ADAM15: variants seen among roughly 807,000 people sequenced by gnomAD.
The protein encoded by ADAM15 is ADAM metallopeptidase domain 15.
ADAM15 carries 77 observed loss-of-function variants against 113.8 expected under a neutral mutation model. That is an observed-to-expected ratio of 0.68 (90% confidence interval 0.56 to 0.82). The LOEUF (loss-of-function observed/expected upper bound fraction) is 0.82, where lower values mean the gene tolerates loss of function less well. ADAM15 is among the 40% of genes least tolerant of loss of function. ADAM15 has a pLI of 0.00. For synonymous variants in ADAM15, 388 were observed against 454.1 expected (o/e 0.85, Z 1.85); for missense variants, 963 against 1,120.1 (o/e 0.86, Z 2.00).
chr1:155,058,695 C>G lies in ADAM15; in HGVS notation c.1918-15C>G. On this transcript the variant is annotated splice_polypyrimidine_tract_variant and intron_variant, in intron 15 of 22. Transcript: ENST00000356955. This position sits in a 1 kb window ranked among gnomAD's most constrained non-coding sequence, Gnocchi z 4.3. Reference sequence around the variant, plus strand: ...TTGTGGGAATCTGATCCAGGCTCTTCTCTCCCTGGGTCAGGTGTGTATAGA... The same window carrying G: ...TTGTGGGAATCTGATCCAGGCTCTTGTCTCCCTGGGTCAGGTGTGTATAGA... 2 of 1,612,016 alleles carry G rather than the reference C, an allele frequency of 1.2e-6. No homozygotes were observed. Among genetic ancestry groups the G allele is most frequent in the Non-Finnish European group, 1.7e-6 (2 of 1,178,996 alleles).
At position 155,058,314 on chromosome 1, in the gene ADAM15, A is replaced by T; in HGVS notation, c.1790A>T (p.Asp597Val). The change falls in exon 15 of 23, where the codon GAT becomes GTT. Residue 597 changes from aspartate (D) to valine (V), a missense_variant. By Grantham distance (152) the Asp-to-Val change is radical. Transcript: ENST00000356955. The surrounding 1 kb of genome is among the most constrained non-coding windows in gnomAD (Gnocchi z 4.3). ...CAGCCTCTGCTGGGCTCCATCCGGGATCTACTCTGGGAGACAATAGATGTG... is the reference window on the plus strand; with the variant it reads ...CAGCCTCTGCTGGGCTCCATCCGGGTTCTACTCTGGGAGACAATAGATGTG... The part of the protein sequence containing the change: ...RTQPLLGSIR[D>V]LLWETIDVNG... The T allele has an allele frequency of 1.2e-6, 2 of 1,614,030 alleles. No homozygotes were observed. Among genetic ancestry groups the T allele is most frequent in the South Asian group, 1.1e-5 (1 of 91,080 alleles).
chr1:155,052,390 A>G, intron 1 of ADAM15: 7 of 1,068,502 alleles, frequency 6.6e-6, no homozygotes, highest in Non-Finnish European at 8.0e-6. Context: ...TCCTGTGAGA[A>G]CCTGGGATTG....
intron 18 of ADAM15, among the ~76,000 whole-genome samples, 193 bp downstream of exon 18, chr1:155,060,536 G>T (rs1662426943): frequency 6.6e-6 from 1 of 152,120 alleles, no homozygotes; most frequent in African/African-American, 2.4e-5. Flanking sequence ...GTGCCCCTGT[G>T]GGGTGGCTGG....
At chr1:155,061,878 C>A in intron 20 of ADAM15, 26 bp from the exon 21 acceptor site, 1 of 1,503,816 alleles carries the variant, frequency 6.6e-7, no homozygotes, top group Non-Finnish European at 8.9e-7. Context: ...TATGCTCTCA[C>A]AGCCACTGCC....
In ADAM15 at chr1:155,055,942, A is replaced by C. The variant is rs373813408; in HGVS notation, c.686A>C (p.Tyr229Ser). ...TCTCTTGGCCTACAGGCCCAGAAAT[A>C]CCGGGACTTCCAGCACCTGCTAAAC... ...IVADHSEAQK[Y>S]RDFQHLLNRT... Residue 229 changes from tyrosine to serine, a missense_variant, in exon 8 of 23, where the codon TAC becomes TCC. Coordinates refer to ENST00000356955, the MANE Select transcript of ADAM15 (RefSeq NM_207197.3). 1.1e-5 allele frequency: 17 copies of C among 1,613,972 alleles called. No individual in the cohort carries two copies. In the African/African-American group the frequency reaches 2.1e-4, roughly 20 times the overall value.
intron 6 of ADAM15, among the ~76,000 whole-genome samples, chr1:155,055,204 T>C (rs1410829492): frequency 1.4e-5 from 2 of 147,610 alleles, no homozygotes; most frequent in African/African-American, 2.5e-5. Flanking sequence ...AGAGTTGTTA[T>C]TGGGATTTTT....
rs1662504009 is a variant in ADAM15 at position 155,061,015 on chromosome 1, C to T, written c.2277+183C>T. The T allele has an allele frequency of 1.3e-5, 8 of 637,982 alleles. No individual in the cohort carries two copies. The South Asian group carries it at 1.6e-4, about 13-fold the overall frequency. The allele number at this position is 637,982 out of a possible 1,614,324, so 39.5% of individuals were successfully genotyped here. A position where few individuals can be genotyped will look rare whatever the true frequency, so the allele number is the denominator to read the frequency against. Reference sequence around the variant, plus strand: ...TGGCTACAGGCAGGGAAGCTGAGTCCAGAAGAGTGGGGAGGGCAGCCAGCT... The same window carrying T: ...TGGCTACAGGCAGGGAAGCTGAGTCTAGAAGAGTGGGGAGGGCAGCCAGCT... On this transcript the variant is annotated intron_variant, in intron 19 of 22. Coordinates refer to ENST00000356955, the MANE Select transcript of ADAM15 (RefSeq NM_207197.3).
rs761505797 is a variant in ADAM15, at chr1:155,056,247, G to A, written c.912G>A (p.Val304=). The A allele has an allele frequency of 3.7e-6, 6 of 1,613,914 alleles. No homozygotes were observed. In the South Asian group the frequency reaches 5.5e-5, roughly 15 times the overall value. ...TGCCCCATGACAGTGCCCAGCTGGT[G>A]ACGTAAGGGCCCCAGACTCAGCCAG... The part of the protein sequence containing the change: ...PRLPHDSAQL[V]TGTSFSGPTV... Residue 304 remains valine (V), a splice_region_variant and synonymous_variant, in exon 9 of 23, where the codon GTG becomes GTA. Coordinates refer to ENST00000356955, the MANE Select transcript of ADAM15 (RefSeq NM_207197.3). The surrounding 1 kb of genome is among the most constrained non-coding windows in gnomAD (Gnocchi z 4.0).
In ADAM15 at chr1:155,052,757, A is replaced by C; in HGVS notation, c.166A>C (p.Ser56Arg). 6.2e-7 allele frequency: 1 copy of C among 1,612,176 alleles called. No homozygotes were observed. Among genetic ancestry groups the C allele is most frequent in the Non-Finnish European group, 8.5e-7 (1 of 1,179,364 alleles). ...PQVLQDDLPISLKKVLQTSLP... is the reference protein window; with the variant it reads ...PQVLQDDLPIRLKKVLQTSLP... ...GGTCCTTCAGGACGATCTCCCAATTAGCCTCAAAAAGGTGCTTCAGGTGAG... is the reference window on the plus strand; with the variant it reads ...GGTCCTTCAGGACGATCTCCCAATTCGCCTCAAAAAGGTGCTTCAGGTGAG... Residue 56 changes from serine to arginine, a missense_variant, in exon 2 of 23, where the codon AGC (serine) becomes CGC (arginine). Transcript: ENST00000356955.
Position 155,061,060 on chromosome 1 carries a change from T to C in ADAM15, c.2277+228T>C. 1.2e-5 allele frequency: 7 copies of C among 587,872 alleles called. No individual in the cohort carries two copies. The South Asian group carries it at 1.5e-4, about 12-fold the overall frequency. The allele number at this position is 587,872 out of a possible 1,614,324, so 36.4% of individuals were successfully genotyped here. ...CCAGCTGGAGCAGGAGCTGCTGGGCTCCGTCCGCTGGCCAAGAGGTGGCTT... is the reference window on the plus strand; with the variant it reads ...CCAGCTGGAGCAGGAGCTGCTGGGCCCCGTCCGCTGGCCAAGAGGTGGCTT... On this transcript the variant is annotated intron_variant, in intron 19 of 22. Transcript: ENST00000356955.
chr1:155,058,699 C>A lies in ADAM15; in HGVS notation c.1918-11C>A, dbSNP rs376498514. On this transcript the variant is annotated splice_polypyrimidine_tract_variant and intron_variant, in intron 15 of 22. Coordinates refer to ENST00000356955, the MANE Select transcript of ADAM15 (RefSeq NM_207197.3). The surrounding 1 kb of genome is among the most constrained non-coding windows in gnomAD (Gnocchi z 4.3). ...GGGAATCTGATCCAGGCTCTTCTCTCCCTGGGTCAGGTGTGTATAGACCAT... is the reference window on the plus strand; with the variant it reads ...GGGAATCTGATCCAGGCTCTTCTCTACCTGGGTCAGGTGTGTATAGACCAT... 659 of 1,612,332 alleles carry A rather than the reference C, an allele frequency of 4.1e-4. No homozygotes were observed. Among genetic ancestry groups the A allele is most frequent in the Non-Finnish European group, 5.3e-4 (630 of 1,179,262 alleles).
intron 18 of ADAM15, among the ~76,000 whole-genome samples, 198 bp from the exon 19 acceptor site, chr1:155,060,565 C>T (rs950925489): frequency 6.6e-6 from 1 of 152,160 alleles, no homozygotes; most frequent in Non-Finnish European, 1.5e-5. Flanking sequence ...GGCCATTTCT[C>T]CCCAGGAGCC....
intron 16 of ADAM15, among the ~76,000 whole-genome samples, chr1:155,059,346 G>C (rs1662236717): frequency 6.6e-6 from 1 of 152,100 alleles, no homozygotes. Context: ...GGATTATAGG[G>C]GTGAGCCACT....
rs942225943 is a variant in ADAM15 at position 155,058,861 on chromosome 1, T to C, written c.1995+74T>C. On this transcript the variant is annotated intron_variant, in intron 16 of 22. Transcript: ENST00000356955. This position sits in a 1 kb window ranked among gnomAD's most constrained non-coding sequence, Gnocchi z 4.3. The stretch of plus-strand genomic sequence containing the variant: ...GGAAAAGGATACTGGGCTTTGGAAA[T>C]AGACATATCTGGGTTTTAATCCTTG... 25 of 1,488,220 alleles carry C rather than the reference T, an allele frequency of 1.7e-5. No individual in the cohort carries two copies. The South Asian group carries it at 2.9e-4, about 17-fold the overall frequency. 92.2% of individuals were successfully genotyped at this position (1,488,220 alleles called of 1,614,324 possible).
chr1:155,055,953 C>T lies in ADAM15; in HGVS notation c.697C>T (p.Gln233Ter), dbSNP rs780055599. Residue 233 changes from glutamine (Q) to a stop codon, truncating the protein, a stop_gained, in exon 8 of 23, where the codon CAG becomes TAG. Transcript: ENST00000356955. LOFTEE classifies it high-confidence loss of function. ...ACAGGCCCAGAAATACCGGGACTTCCAGCACCTGCTAAACCGCACACTGGA... is the reference window on the plus strand; with the variant it reads ...ACAGGCCCAGAAATACCGGGACTTCTAGCACCTGCTAAACCGCACACTGGA... ...HSEAQKYRDFQHLLNRTLEVA... is the reference protein window; with the variant it reads ...HSEAQKYRDF The T allele has an allele frequency of 1.1e-5, 18 of 1,614,080 alleles. No individual in the cohort carries two copies. In the Admixed American group the frequency reaches 2.3e-4, roughly 21 times the overall value.
intron 18 of ADAM15, 140 bp downstream of exon 18, chr1:155,060,483 C>T: frequency 3.3e-6 from 4 of 1,220,938 alleles, no homozygotes; most frequent in South Asian, 2.9e-5. Context: ...ATACCCCACA[C>T]CTCCCTTCCC....
intron 3 of ADAM15, 107 bp from the exon 4 acceptor site, chr1:155,053,803 C>T (rs893662005): frequency 7.6e-6 from 10 of 1,314,906 alleles, no homozygotes; most frequent in African/African-American, 5.8e-5. Flanking sequence ...AAGTTGGCTG[C>T]GGGGGTTGCC....
Position 155,062,283 on chromosome 1 carries a change from A to G in ADAM15, c.2463A>G (p.Pro821=). The change falls in exon 22 of 23, where the codon CCA becomes CCG. Residue 821 remains proline, a synonymous_variant. Coordinates refer to ENST00000356955, the MANE Select transcript of ADAM15 (RefSeq NM_207197.3). This position sits in a 1 kb window ranked among gnomAD's most constrained non-coding sequence, Gnocchi z 7.0. ...CCAAGCCCCCACCCCCAAGGAAGCCACTGCCTGCCGACCCCCAGGGCCGGT... is the reference window on the plus strand; with the variant it reads ...CCAAGCCCCCACCCCCAAGGAAGCCGCTGCCTGCCGACCCCCAGGGCCGGT... ...GPAKPPPPRK[P]LPADPQGRCP... is the part of the protein sequence containing the mutation. 6.8e-7 allele frequency: 1 copy of G among 1,470,658 alleles called. No individual in the cohort carries two copies. The allele number at this position is 1,470,658 out of a possible 1,614,324, so 91.1% of individuals were successfully genotyped here.
In ADAM15 at chr1:155,058,393, G is replaced by A. The variant is rs1490611621; in HGVS notation, c.1869G>A (p.Val623=). The change falls in exon 15 of 23, where the codon GTG becomes GTA. Residue 623 remains valine, a synonymous_variant. Coordinates refer to ENST00000356955, the MANE Select transcript of ADAM15 (RefSeq NM_207197.3). This position sits in a 1 kb window ranked among gnomAD's most constrained non-coding sequence, Gnocchi z 4.3. ...TGCACCTGGACCTGGGCAGTGATGTGGCCCAGCCCCTCCTGACTCTGCCTG... is the reference window on the plus strand; with the variant it reads ...TGCACCTGGACCTGGGCAGTGATGTAGCCCAGCCCCTCCTGACTCTGCCTG... ...SWVHLDLGSD[V]AQPLLTLPGT... is the part of the protein sequence containing the mutation. The A allele has an allele frequency of 6.2e-7, 1 of 1,613,654 alleles. No individual in the cohort carries two copies. Among genetic ancestry groups the A allele is most frequent in the Admixed American group, 1.7e-5 (1 of 60,030 alleles).
Sources: gnomAD v4.1 joint callset for allele counts (sites outside exome capture counted in the v4.1 genomes callset) on GRCh38, gnomAD v4.1.1 for gene constraint, Gnocchi (gnomAD v3.1) non-coding constraint, MANE v1.5 for transcripts, NCBI Gene and HGNC (gene_info 2026-07-23, HGNC 2026-07-21) for gene names.